The following FOXP2 variants were observed in gnomAD, a reference collection of about 807,000 sequenced individuals.
FOXP2 encodes forkhead box protein P2.
A neutral mutation model predicts 115.8 loss-of-function variants in FOXP2; 12 were observed. The observed-to-expected ratio is 0.10, with a 90% confidence interval of 0.07 to 0.17. The LOEUF (loss-of-function observed/expected upper bound fraction) is 0.17, where lower values mean the gene tolerates loss of function less well. Among genes scored for constraint, FOXP2 ranks in the 10% least tolerant of loss-of-function variants. The pLI, the probability that FOXP2 is intolerant of heterozygous loss-of-function variation, is 1.00. For missense variants in FOXP2, 629 were observed against 843.5 expected (o/e 0.75, Z 3.15); for synonymous variants, 328 against 297.7 (o/e 1.10, Z -1.05).
intron 1 of FOXP2, among the ~76,000 whole-genome samples, chr7:114,106,951 G>A (rs993280546): frequency 4.6e-5 from 7 of 151,930 alleles, no homozygotes; most frequent in African/African-American, 9.7e-5. Flanking sequence ...GGAGAAATAT[G>A]TTTTATAAGC....
At chr7:114,262,333 G>C (rs1470628483) in intron 1 of FOXP2, among the ~76,000 whole-genome samples, 2 of 151,886 alleles carry the variant, frequency 1.3e-5, no homozygotes, top group Non-Finnish European at 1.5e-5. Context: ...TGAGGTGGGA[G>C]GATCACTTGA....
At chr7:114,433,578 A>G (rs1044714391) in intron 2 of FOXP2, among the ~76,000 whole-genome samples, 1 of 152,000 alleles carries the variant, frequency 6.6e-6, no homozygotes, top group African/African-American at 2.4e-5. Context: ...GTTTTTATTT[A>G]TCGTAGTCTT....
chr7:114,302,121 A>T (rs1796892215), intron 2 of FOXP2, among the ~76,000 whole-genome samples: 1 of 152,182 alleles, frequency 6.6e-6, no homozygotes, highest in East Asian at 1.9e-4. Context: ...TGATTACTTA[A>T]CAATATTTAT....
chr7:114,642,014 C>T (rs1805561849), intron 6 of FOXP2, among the ~76,000 whole-genome samples: 1 of 151,964 alleles, frequency 6.6e-6, no homozygotes. Context: ...CCATGTTGGC[C>T]AGGCTGGTCT....
intron 2 of FOXP2, among the ~76,000 whole-genome samples, chr7:114,532,877 T>C (rs1799207607): frequency 6.6e-6 from 1 of 151,954 alleles, no homozygotes; most frequent in Admixed American, 6.6e-5. Flanking sequence ...TAATTTCCAT[T>C]TGGAAAATTA....
At chr7:114,354,702 T>C (rs1791573688) in intron 2 of FOXP2, among the ~76,000 whole-genome samples, 1 of 152,112 alleles carries the variant, frequency 6.6e-6, no homozygotes, top group Admixed American at 6.6e-5. Context: ...TCCCCCTATA[T>C]TATATAAGCT....
chr7:114,423,888 A>G (rs1357821675), intron 1 of FOXP2, among the ~76,000 whole-genome samples: 52 of 151,508 alleles, frequency 3.4e-4, no homozygotes, highest in Non-Finnish European at 1.9e-4. Context: ...GTACAGTATA[A>G]TCATCTAATT....
chr7:114,253,840 G>A (rs1795521781), intron 1 of FOXP2, among the ~76,000 whole-genome samples: 1 of 152,192 alleles, frequency 6.6e-6, no homozygotes, highest in Non-Finnish European at 1.5e-5. Context: ...TCATTATGAT[G>A]TTAGCTGGTT....
intron 2 of FOXP2, chr7:114,297,199 C>A: frequency 2.1e-6 from 1 of 487,304 alleles, no homozygotes; most frequent in Admixed American, 2.5e-5. Flanking sequence ...TGTGTCCCCA[C>A]CCTTTTCTCG....
chr7:114,376,361 T>G (rs1209359722), intron 2 of FOXP2, among the ~76,000 whole-genome samples: 1 of 152,270 alleles, frequency 6.6e-6, no homozygotes, highest in East Asian at 1.9e-4. Flanking sequence ...TATTCTCAGT[T>G]TCCTTATGTG....
chr7:114,418,317 C>T (rs748349844), intron 1 of FOXP2, among the ~76,000 whole-genome samples: 1 of 151,818 alleles, frequency 6.6e-6, no homozygotes, highest in Non-Finnish European at 1.5e-5. Context: ...GAGGGAATGA[C>T]AACATAAATC....
At chr7:114,161,764 G>A (rs192153533), upstream of FOXP2, among the ~76,000 whole-genome samples, 98 of 152,090 alleles carry the variant, frequency 6.4e-4, no homozygotes, top group Non-Finnish European at 6.5e-4. Context: ...TCCAGGTAAT[G>A]GCACATGTTG....
intron 3 of FOXP2, among the ~76,000 whole-genome samples, chr7:114,566,056 C>G (rs114176267): frequency 2.1e-3 from 326 of 152,162 alleles, no homozygotes; most frequent in African/African-American, 7.4e-3. Flanking sequence ...CTGGCACAAC[C>G]CAATAGCTAC....
At chr7:114,119,159 G>T (rs781511719) in intron 1 of FOXP2, among the ~76,000 whole-genome samples, 1 of 152,066 alleles carries the variant, frequency 6.6e-6, no homozygotes. Context: ...TTAAAATACA[G>T]CATCCATTAA....
chr7:114,493,531 A>C (rs1248900817), intron 2 of FOXP2, among the ~76,000 whole-genome samples: 1 of 152,166 alleles, frequency 6.6e-6, no homozygotes, highest in Non-Finnish European at 1.5e-5. Flanking sequence ...GTGCTCCTAA[A>C]TGTGCTCTAA....
chr7:114,164,295 TTTTG>T (rs1240960716), intron 1 of FOXP2, among the ~76,000 whole-genome samples: 1 of 152,028 alleles, frequency 6.6e-6, no homozygotes, highest in East Asian at 1.9e-4. Context: ...AAAACTTTTT[TTTTG>T]TTTGTTTTTT....
chr7:114,627,206 C>T (rs1271688921), intron 3 of FOXP2, among the ~76,000 whole-genome samples: 3 of 150,738 alleles, frequency 2.0e-5, no homozygotes, highest in Admixed American at 6.6e-5. Flanking sequence ...TTCTCCATAA[C>T]ATAAAGTGCC....
chr7:114,421,749 A>C (rs1285735741), intron 1 of FOXP2, among the ~76,000 whole-genome samples: 1 of 151,690 alleles, frequency 6.6e-6, no homozygotes, highest in African/African-American at 2.4e-5. Context: ...GTTCTTACAC[A>C]TTCAACTATA....
chr7:114,614,888 T>C (rs1246939719), intron 3 of FOXP2, among the ~76,000 whole-genome samples: 1 of 152,118 alleles, frequency 6.6e-6, no homozygotes, highest in African/African-American at 2.4e-5. Context: ...TGGGGAATAA[T>C]TAACAGATAA....
Sources: allele counts gnomAD v4.1 joint callset (sites outside exome capture counted in the v4.1 genomes callset), GRCh38; gene constraint gnomAD v4.1.1; transcripts MANE v1.5; gene names NCBI Gene and HGNC (gene_info 2026-07-23, HGNC 2026-07-21).